Variants in MTA2 observed in about 807,000 individuals in gnomAD.
The protein encoded by MTA2 is metastasis-associated protein MTA2.
Under a neutral mutation model 87.1 loss-of-function variants are expected in MTA2, and 22 were observed. The ratio of observed to expected loss-of-function variants is 0.25; its 90% CI spans 0.18 to 0.36. The LOEUF (loss-of-function observed/expected upper bound fraction) is 0.36, where lower values mean the gene tolerates loss of function less well. Among genes scored for constraint, MTA2 ranks in the 10% least tolerant of loss-of-function variants. The pLI is 1.00. For synonymous variants in MTA2, 314 were observed against 310.1 expected (o/e 1.01, Z -0.13); for missense variants, 542 against 853.2 (o/e 0.64, Z 4.54).
chr11:62,597,749 CA>C (rs1942118751), intron 6 of MTA2, 37 bp from the exon 7 acceptor site: 3 of 1,543,678 alleles, frequency 1.9e-6, no homozygotes, highest in African/African-American at 1.4e-5. Context: ...AGGGAGAGGG[CA>C]GGGGGGAACA....
chr11:62,594,083 A>G, intron 17 of MTA2, 43 bp from the exon 18 acceptor site: 5 of 1,559,616 alleles, frequency 3.2e-6, no homozygotes, highest in Non-Finnish European at 3.5e-6. Context: ...GGCTTAGAGA[A>G]CATTAAGACC....
In MTA2 at chr11:62,596,718, T is replaced by C; in HGVS notation, c.801A>G (p.Glu267=). The C allele has an allele frequency of 6.2e-7, 1 of 1,614,162 alleles. No individual in the cohort carries two copies. The highest frequency in any genetic ancestry group is 1.3e-5 in the African/African-American group (1 of 75,050). The change falls in exon 9 of 18, where the codon GAA becomes GAG. Residue 267 remains glutamate (E), a synonymous_variant. Transcript: ENST00000278823. The part of the protein sequence containing the change: ...GPVLCRDEME[E]WSASEAMLFE... Reference sequence around the variant, plus strand: ...ATAGCATGGCCTCTGAGGCTGACCATTCCTCCATCTCATCCCGACACAGCA... The same window carrying C: ...ATAGCATGGCCTCTGAGGCTGACCACTCCTCCATCTCATCCCGACACAGCA...
At chr11:62,598,735 CTG>C in intron 3 of MTA2, 96 bp from the exon 4 acceptor site, 1 of 1,144,142 alleles carries the variant, frequency 8.7e-7, no homozygotes, top group East Asian at 2.4e-5. Context: ...CCTATCTTGG[CTG>C]TTTTTTTCTC....
At chr11:62,600,064 C>T in intron 3 of MTA2, 102 bp downstream of exon 3, 4 of 1,095,084 alleles carry the variant, frequency 3.7e-6, no homozygotes. Context: ...CCCCCAAACT[C>T]ACACCTCTGC....
chr11:62,596,848 C>T (rs2134324500), intron 8 of MTA2, 23 bp from the exon 9 acceptor site: 1 of 1,576,032 alleles, frequency 6.3e-7, no homozygotes. Context: ...TGGAGAGCAA[C>T]TGAGGACCTG....
At chr11:62,599,672 A>AGG (rs543560066) in intron 3 of MTA2, among the ~76,000 whole-genome samples, 1 of 53,416 alleles carries the variant, frequency 1.9e-5, no homozygotes, top group Non-Finnish European at 3.6e-5. Flanking sequence ...TGTAAAATGG[A>AGG]GGGGGGCGGG....
At chr11:62,594,904 A>G (rs980629507) in intron 15 of MTA2, 77 bp downstream of exon 15, 2 of 1,359,596 alleles carry the variant, frequency 1.5e-6, no homozygotes, top group Non-Finnish European at 2.1e-6. Context: ...TGAGGAAGAA[A>G]AAAAGCAAGG....
rs763712079 is a variant in MTA2 at position 62,601,785 on chromosome 11, G to A, written c.-335C>T. 2.0e-6 allele frequency: 1 copy of A among 504,206 alleles called. No individual in the cohort carries two copies. The highest frequency in any genetic ancestry group is 3.5e-6 in the Non-Finnish European group (1 of 289,622). The allele number at this position is 504,206 out of a possible 1,614,324, so 31.2% of individuals were successfully genotyped here. ...CACTAGTCGTTGGGCTCTGCCGGCC[G>A]CAGGGAAGGCTTGCCGGGCCCGCCT... On this transcript the variant is annotated 5_prime_UTR_variant, in exon 1 of 18. Coordinates refer to ENST00000278823, the MANE Select transcript of MTA2 (RefSeq NM_004739.4).
chr11:62,598,779 T>C, intron 3 of MTA2, 140 bp from the exon 4 acceptor site: 1 of 693,642 alleles, frequency 1.4e-6, no homozygotes. Flanking sequence ...TCTATACCCT[T>C]ATCCCACCAG....
chr11:62,599,638 T>C (rs1427902407), intron 3 of MTA2, among the ~76,000 whole-genome samples: 2 of 127,942 alleles, frequency 1.6e-5, no homozygotes, highest in African/African-American at 3.1e-5. Context: ...AGAATGAAGA[T>C]AGGGCAAAAT....
intron 2 of MTA2, 91 bp downstream of exon 2, chr11:62,600,531 A>T: frequency 8.4e-7 from 1 of 1,188,316 alleles, no homozygotes; most frequent in Non-Finnish European, 1.2e-6. Flanking sequence ...ATGAATGGGT[A>T]CTTAGTATAG....
In MTA2 at chr11:62,601,475, C is replaced by T; in HGVS notation, c.-25G>A. 1 of 1,606,702 alleles carries T rather than the reference C, an allele frequency of 6.2e-7. No individual in the cohort carries two copies. Among genetic ancestry groups the T allele is most frequent in the Non-Finnish European group, 8.5e-7 (1 of 1,177,378 alleles). On this transcript the variant is annotated 5_prime_UTR_variant, in exon 1 of 18. Transcript: ENST00000278823. ...TGGCCGTTCCCGCCGCCGCCTCCGG[C>T]CGCACAAAGGGGTCCGGGAGGCTCG... is the stretch of plus-strand genomic sequence containing the variant.
chr11:62,593,675 T>A lies in MTA2; in HGVS notation c.*200A>T. Reference sequence around the variant, plus strand: ...TGGGCCAAGTTCCTGCAGTCTGTCCTCCATCGGCAAGCATGGAGGCATGAG... The same window carrying A: ...TGGGCCAAGTTCCTGCAGTCTGTCCACCATCGGCAAGCATGGAGGCATGAG... On this transcript the variant is annotated 3_prime_UTR_variant, in exon 18 of 18. Coordinates refer to ENST00000278823, the MANE Select transcript of MTA2 (RefSeq NM_004739.4). The A allele has an allele frequency of 1.6e-6, 1 of 622,798 alleles. No homozygotes were observed. The highest frequency in any genetic ancestry group is 2.7e-6 in the Non-Finnish European group (1 of 367,998). 38.6% of individuals were successfully genotyped at this position (622,798 alleles called of 1,614,324 possible). A position where few individuals can be genotyped will look rare whatever the true frequency, so the allele number is the denominator to read the frequency against.
chr11:62,600,556 C>A, intron 2 of MTA2, 66 bp downstream of exon 2: 3 of 1,438,214 alleles, frequency 2.1e-6, no homozygotes, highest in Non-Finnish European at 2.9e-6. Flanking sequence ...CTCTCTTCCA[C>A]CAGAAGTTAG....
chr11:62,598,573 C>A lies in MTA2; in HGVS notation c.257G>T (p.Arg86Leu). ...AAATTGCCGAGAAAGAAAAAGTTCC[C>A]GGTGCTTCAGTTGATGGCGCTGCTG... ...SEQQRHQLKHRELFLSRQFES... is the reference protein window; with the variant it reads ...SEQQRHQLKHLELFLSRQFES... Residue 86 changes from arginine (R) to leucine (L), a missense_variant, in exon 4 of 18, where the codon CGG becomes CTG. By Grantham distance (102) the Arg-to-Leu change is moderately radical. This residue lies in a region of MTA2 where 150 missense variants were observed against 243.9 expected (regional missense o/e 0.62). Coordinates refer to ENST00000278823, the MANE Select transcript of MTA2 (RefSeq NM_004739.4). The A allele has an allele frequency of 6.2e-7, 1 of 1,614,142 alleles. No homozygotes were observed. Among genetic ancestry groups the A allele is most frequent in the South Asian group, 1.1e-5 (1 of 91,078 alleles).
At position 62,600,991 on chromosome 11, in the gene MTA2, A is replaced by C. The variant is rs1942181528; in HGVS notation, c.29-302T>G. 3 of 486,756 alleles carry C rather than the reference A, an allele frequency of 6.2e-6. No individual in the cohort carries two copies. The East Asian group carries it at 1.1e-4, about 18-fold the overall frequency. The allele number at this position is 486,756 out of a possible 1,614,324, so 30.2% of individuals were successfully genotyped here. A position where few individuals can be genotyped will look rare whatever the true frequency, so the allele number is the denominator to read the frequency against. ...ATGAGTTGCACCCCAGTCGCGGCGA[A>C]GTAATTGTCCGCTCTAGCGCAGGGC... On this transcript the variant is annotated intron_variant, in intron 1 of 17. Coordinates refer to ENST00000278823, the MANE Select transcript of MTA2 (RefSeq NM_004739.4).
intron 5 of MTA2, 44 bp downstream of exon 5, chr11:62,598,283 C>A (rs1942126646): frequency 1.3e-6 from 2 of 1,593,526 alleles, no homozygotes; most frequent in African/African-American, 2.7e-5. Flanking sequence ...CTTTTGCGGG[C>A]AATACCCATT....
rs377558275 is a variant in MTA2, at chr11:62,600,707, G to A, written c.29-18C>T. ...GACGTAATCTGTAAGGGAAGGGAGG[G>A]GGGAGAACCACGAAGATCAGAGGAG... On this transcript the variant is annotated intron_variant, in intron 1 of 17. Transcript: ENST00000278823. 1 of 1,610,614 alleles carries A rather than the reference G, an allele frequency of 6.2e-7. No homozygotes were observed. Among genetic ancestry groups the A allele is most frequent in the Non-Finnish European group, 8.5e-7 (1 of 1,177,308 alleles).
chr11:62,600,710 G>T, intron 1 of MTA2, 21 bp from the exon 2 acceptor site: 1 of 1,608,054 alleles, frequency 6.2e-7, no homozygotes, highest in Middle Eastern at 1.7e-4. Flanking sequence ...AGGGAGGGGG[G>T]AGAACCACGA....
Sources: allele counts gnomAD v4.1 joint callset (sites outside exome capture counted in the v4.1 genomes callset), GRCh38; gene constraint gnomAD v4.1.1; regional missense constraint gnomAD v4.1.1; transcripts MANE v1.5; gene names NCBI Gene and HGNC (gene_info 2026-07-23, HGNC 2026-07-21).